Variants in NEK2 observed in about 807,000 individuals in gnomAD.
NEK2 encodes the protein serine/threonine-protein kinase Nek2.
NEK2 carries 28 observed loss-of-function variants against 54.1 expected under a neutral mutation model. The ratio of observed to expected loss-of-function variants is 0.52; its 90% CI spans 0.38 to 0.71. The LOEUF (loss-of-function observed/expected upper bound fraction) is 0.71. Ranked by LOEUF, NEK2 falls within the 30% of genes least tolerant of loss-of-function variation. NEK2 has a pLI of 0.00. For missense variants in NEK2, 407 were observed against 531.5 expected (o/e 0.77, Z 2.30); for synonymous variants, 176 against 193.1 (o/e 0.91, Z 0.73).
At position 211,674,315 on chromosome 1, in the gene NEK2, T is replaced by C; in HGVS notation, c.295A>G (p.Thr99Ala). Residue 99 changes from threonine to alanine, a missense_variant, in exon 2 of 8, where the codon ACA becomes GCA. Coordinates refer to ENST00000366999, the MANE Select transcript of NEK2 (RefSeq NM_002497.4). Reference sequence around the variant, plus strand: ...GCTTACCTTTCCTTGGTTCCCTTTGTAATTACACTAGCCAGATCCCCTCCT... The same window carrying C: ...GCTTACCTTTCCTTGGTTCCCTTTGCAATTACACTAGCCAGATCCCCTCCT... The part of the protein sequence containing the change: ...CEGGDLASVI[T>A]KGTKERQYLD... 1.2e-6 allele frequency: 2 copies of C among 1,611,374 alleles called. No homozygotes were observed. Among genetic ancestry groups the C allele is most frequent in the Non-Finnish European group, 1.7e-6 (2 of 1,178,220 alleles).
In NEK2 at chr1:211,674,330, G is replaced by C. The variant is rs181925177; in HGVS notation, c.280C>G (p.Leu94Val). 15 of 1,613,834 alleles carry C rather than the reference G, an allele frequency of 9.3e-6. No homozygotes were observed. Among genetic ancestry groups the C allele is most frequent in the Non-Finnish European group, 1.3e-5 (15 of 1,179,802 alleles). Residue 94 changes from leucine (L) to valine (V), a missense_variant, in exon 2 of 8, where the codon CTG (leucine) becomes GTG (valine). Leu to Val is a conservative substitution (Grantham distance 32). Coordinates refer to ENST00000366999, the MANE Select transcript of NEK2 (RefSeq NM_002497.4). ...GTTCCCTTTGTAATTACACTAGCCA[G>C]ATCCCCTCCTTCACAATATTCCATT... ...IVMEYCEGGD[L>V]ASVITKGTKE...
In NEK2 at chr1:211,669,210, C is replaced by A. The variant is rs189939448; in HGVS notation, c.888G>T (p.Ser296=). 8 of 1,613,872 alleles carry A rather than the reference C, an allele frequency of 5.0e-6. No individual in the cohort carries two copies. In the South Asian group the frequency reaches 6.6e-5, roughly 13 times the overall value. ...RGRQLGEPEK[S]QDSSPVLSEL... is the part of the protein sequence containing the mutation. The stretch of plus-strand genomic sequence containing the variant: ...CACTCAATACAGGGCTGGAATCCTG[C>A]GATTTTTCTGGCTCTCCTAATTGTC... Residue 296 remains serine, a synonymous_variant, in exon 6 of 8, where the codon TCG becomes TCT. Transcript: ENST00000366999.
At chr1:211,666,460 T>C (rs1201686796) in intron 7 of NEK2, 18 of 958,924 alleles carry the variant, frequency 1.9e-5, no homozygotes, top group Admixed American at 6.2e-5. Context: ...AGTTTATCTC[T>C]CTGAAATCTG....
downstream of NEK2, chr1:211,660,839 T>A (rs559673837): frequency 1.1e-5 from 8 of 710,798 alleles, no homozygotes; most frequent in African/African-American, 1.4e-4. Context: ...AGGCAGTAGA[T>A]ACATGCTTCC....
In NEK2 at chr1:211,663,507, A is replaced by G. The variant is rs34267138; in HGVS notation, c.1257T>C (p.Ala419=). The G allele has an allele frequency of 1.8e-4, 292 of 1,613,982 alleles. No homozygotes were observed. In the African/African-American group the frequency reaches 3.5e-3, roughly 19 times the overall value. Residue 419 remains alanine (A), a synonymous_variant, in exon 8 of 8, where the codon GCT becomes GCC. Coordinates refer to ENST00000366999, the MANE Select transcript of NEK2 (RefSeq NM_002497.4). ...ACAGGGCTTGAGCCCGCAGCTGGGC[A>G]GCGTGAAGCCTTTTCTTCAGGTCCT... ...KCKDLKKRLH[A]AQLRAQALSD... is the part of the protein sequence containing the mutation.
At chr1:211,662,085 T>C (rs1187166073), downstream of NEK2, among the ~76,000 whole-genome samples, 2 of 152,164 alleles carry the variant, frequency 1.3e-5, no homozygotes, top group African/African-American at 4.8e-5. This position sits in a 1 kb window ranked among gnomAD's most constrained non-coding sequence, Gnocchi z 4.2. Flanking sequence ...CTTAATCCAG[T>C]CAAGTTGACA....
intron 3 of NEK2, among the ~76,000 whole-genome samples, chr1:211,672,658 G>A (rs909774359): frequency 1.4e-5 from 2 of 148,058 alleles, no homozygotes; most frequent in African/African-American, 5.0e-5. Flanking sequence ...CCCAGAGATC[G>A]AAATTCACTC....
In NEK2 at chr1:211,671,262, T is replaced by C. The variant is rs1655380525; in HGVS notation, c.578A>G (p.Tyr193Cys). Residue 193 changes from tyrosine (Y) to cysteine (C), a missense_variant, in exon 4 of 8, where the codon TAC becomes TGC. Coordinates refer to ENST00000366999, the MANE Select transcript of NEK2 (RefSeq NM_002497.4). ...TGACCAGATATCTGATTTCTCATTG[T>C]AGGACATGCGATTCATTTGTTCCTA... is the stretch of plus-strand genomic sequence containing the variant. ...MSPEQMNRMS[Y>C]NEKSDIWSLG... 1.2e-6 allele frequency: 2 copies of C among 1,613,520 alleles called. No individual in the cohort carries two copies. The highest frequency in any genetic ancestry group is 1.3e-5 in the African/African-American group (1 of 75,052).
intron 7 of NEK2, chr1:211,666,874 A>G (rs1249094450): frequency 8.0e-7 from 1 of 1,257,210 alleles, no homozygotes. Context: ...TAAGGTAAAG[A>G]AAATCAAACA....
At position 211,663,378 on chromosome 1, in the gene NEK2, G is replaced by A. The variant is rs760600093; in HGVS notation, c.*48C>T. ...CAGCATTTGAATATCAGTCTTTAAA[G>A]GTTGGTAATATTACATCCTGTACAC... is the stretch of plus-strand genomic sequence containing the variant. On this transcript the variant is annotated 3_prime_UTR_variant, in exon 8 of 8. Transcript: ENST00000366999. 6.4e-7 allele frequency: 1 copy of A among 1,564,224 alleles called. No individual in the cohort carries two copies. Among genetic ancestry groups the A allele is most frequent in the South Asian group, 1.2e-5 (1 of 86,200 alleles).
chr1:211,659,947 A>G (rs1433381910), downstream of NEK2, among the ~76,000 whole-genome samples: 3 of 151,178 alleles, frequency 2.0e-5, no homozygotes, highest in Non-Finnish European at 4.4e-5. Flanking sequence ...TCAGCCTCCC[A>G]AGTAGCTGGG....
intron 6 of NEK2, among the ~76,000 whole-genome samples, chr1:211,667,800 CT>C (rs1655226187): frequency 1.3e-5 from 2 of 152,216 alleles, no homozygotes; most frequent in African/African-American, 4.8e-5. Context: ...AATCCCAACA[CT>C]TTGGGAGGCC....
intron 7 of NEK2, among the ~76,000 whole-genome samples, chr1:211,664,916 C>T (rs892200091): frequency 2.0e-5 from 3 of 152,250 alleles, no homozygotes; most frequent in African/African-American, 7.2e-5. Flanking sequence ...TAGTGCACTA[C>T]AGCCTTGGAC....
chr1:211,671,258 A>G lies in NEK2; in HGVS notation c.582T>C (p.Asn194=), dbSNP rs1057420207. 6.2e-7 allele frequency: 1 copy of G among 1,613,390 alleles called. No individual in the cohort carries two copies. Among genetic ancestry groups the G allele is most frequent in the African/African-American group, 1.3e-5 (1 of 74,910 alleles). The part of the protein sequence containing the change: ...SPEQMNRMSY[N]EKSDIWSLGC... ...CCAATGACCAGATATCTGATTTCTC[A>G]TTGTAGGACATGCGATTCATTTGTT... The change falls in exon 4 of 8, where the codon AAT becomes AAC. Residue 194 remains asparagine (N), a synonymous_variant. Coordinates refer to ENST00000366999, the MANE Select transcript of NEK2 (RefSeq NM_002497.4).
chr1:211,667,473 C>T (rs924676554), intron 6 of NEK2, among the ~76,000 whole-genome samples: 1 of 152,182 alleles, frequency 6.6e-6, no homozygotes, highest in Non-Finnish European at 1.5e-5. Context: ...ACAAAGTTAG[C>T]TTCAACCTTT....
chr1:211,665,198 A>G (rs1655139380), intron 7 of NEK2, among the ~76,000 whole-genome samples: 1 of 152,120 alleles, frequency 6.6e-6, no homozygotes, highest in African/African-American at 2.4e-5. Flanking sequence ...ATGGGGAGAG[A>G]ATATTTCCAA....
chr1:211,663,548 A>G lies in NEK2; in HGVS notation c.1216T>C (p.Ser406Pro), dbSNP rs770516208. 6.2e-7 allele frequency: 1 copy of G among 1,613,816 alleles called. No individual in the cohort carries two copies. Among genetic ancestry groups the G allele is most frequent in the Non-Finnish European group, 8.5e-7 (1 of 1,179,876 alleles). ...RSENSESQLT[S>P]KSKCKDLKKR... ...TTCAGGTCCTTGCACTTGGACTTAG[A>G]TGTGAGCTGACTCTCAGAATTCTCA... Residue 406 changes from serine to proline, a missense_variant, in exon 8 of 8, where the codon TCT becomes CCT. Ser to Pro is a moderately conservative substitution (Grantham distance 74, BLOSUM62 -1). Coordinates refer to ENST00000366999, the MANE Select transcript of NEK2 (RefSeq NM_002497.4).
At chr1:211,664,675 AC>A (rs1297422532) in intron 7 of NEK2, among the ~76,000 whole-genome samples, 1 of 152,160 alleles carries the variant, frequency 6.6e-6, no homozygotes, top group Non-Finnish European at 1.5e-5. Context: ...GGGTCCTGTG[AC>A]TTCCCGCTTC....
At position 211,673,620 on chromosome 1, in the gene NEK2, G is replaced by A. The variant is rs778979955; in HGVS notation, c.418C>T (p.Arg140Trp). 19 of 1,613,992 alleles carry A rather than the reference G, an allele frequency of 1.2e-5. No individual in the cohort carries two copies. The highest frequency in any genetic ancestry group is 8.5e-6 in the Non-Finnish European group (10 of 1,180,034). Residue 140 changes from arginine (R) to tryptophan (W), a missense_variant, in exon 3 of 8, where the codon CGG becomes TGG. Physicochemically the swap from Arg to Trp is moderately radical, Grantham distance 101. Coordinates refer to ENST00000366999, the MANE Select transcript of NEK2 (RefSeq NM_002497.4). ...AAAACATTGGCTGGTTTCAGATCCCGATGCAATACGGTATGACCACCATCA... is the reference window on the plus strand; with the variant it reads ...AAAACATTGGCTGGTTTCAGATCCCAATGCAATACGGTATGACCACCATCA... ...RSDGGHTVLH[R>W]DLKPANVFLD...
Sources: allele counts gnomAD v4.1 joint callset (sites outside exome capture counted in the v4.1 genomes callset), GRCh38; gene constraint gnomAD v4.1.1; non-coding constraint Gnocchi (gnomAD v3.1); transcripts MANE v1.5; gene names NCBI Gene and HGNC (gene_info 2026-07-23, HGNC 2026-07-21).